Variants in MAP3K1 observed in about 807,000 individuals in gnomAD.
MAP3K1 encodes mitogen-activated protein kinase kinase kinase 1.
MAP3K1 carries 36 observed loss-of-function variants against 144.2 expected under a neutral mutation model. The observed-to-expected ratio is 0.25, with a 90% CI of 0.19 to 0.33. MAP3K1 has a LOEUF of 0.33. Among genes scored for constraint, MAP3K1 ranks in the 10% least tolerant of loss-of-function variants. The pLI is 1.00. For synonymous variants in MAP3K1, 718 were observed against 688.7 expected (o/e 1.04, Z -0.67); for missense variants, 1,650 against 1,881.9 (o/e 0.88, Z 2.28).
At chr5:56,877,778 TTC>T (rs2111928980) in intron 10 of MAP3K1, among the ~76,000 whole-genome samples, 1 of 152,318 alleles carries the variant, frequency 6.6e-6, no homozygotes, top group East Asian at 1.9e-4. Flanking sequence ...CTTTTTTCTG[TTC>T]CAGGATCCAA....
At chr5:56,834,727 AGAT>A (rs1385727129) in intron 1 of MAP3K1, among the ~76,000 whole-genome samples, 1 of 152,194 alleles carries the variant, frequency 6.6e-6, no homozygotes, top group Non-Finnish European at 1.5e-5. Context: ...GAAAGAAAAA[AGAT>A]GAGAGAAATA....
Position 56,880,818 on chromosome 5 carries a change from T to C in MAP3K1, c.2179+16T>C, listed in dbSNP as rs201491763. 34 of 1,581,072 alleles carry C rather than the reference T, an allele frequency of 2.2e-5. No homozygotes were observed. The highest frequency in any genetic ancestry group is 2.5e-5 in the Non-Finnish European group (29 of 1,150,426). On this transcript the variant is annotated intron_variant, in intron 12 of 19. Coordinates refer to ENST00000399503, the MANE Select transcript of MAP3K1 (RefSeq NM_005921.2). ...CTAAAAGCTGGTAATAACTTTTCAC[T>C]TAAAAGGAATATAGCATATTTTATC...
intron 1 of MAP3K1, among the ~76,000 whole-genome samples, chr5:56,827,249 T>G (rs1386950211): frequency 6.6e-6 from 1 of 152,180 alleles, no homozygotes; most frequent in Non-Finnish European, 1.5e-5. Context: ...CTCTGCCTCG[T>G]ATTGCCCCCA....
intron 4 of MAP3K1, 87 bp from the exon 5 acceptor site, chr5:56,865,253 G>A: frequency 1.2e-6 from 1 of 826,480 alleles, no homozygotes; most frequent in South Asian, 1.5e-5. Context: ...AGTATAAAAA[G>A]TTGGAAATAT....
intron 1 of MAP3K1, among the ~76,000 whole-genome samples, chr5:56,853,548 C>A (rs114286985): frequency 2.9e-3 from 438 of 152,242 alleles, no homozygotes; most frequent in Non-Finnish European, 5.3e-3. Context: ...AACACGTGGT[C>A]CCCTCACTCA....
intron 1 of MAP3K1, among the ~76,000 whole-genome samples, chr5:56,850,138 C>T (rs901619224): frequency 2.0e-5 from 3 of 152,162 alleles, no homozygotes; most frequent in African/African-American, 7.2e-5. Context: ...CTTTAAGTGT[C>T]CCACAATGGA....
chr5:56,826,388 T>C (rs911862504), intron 1 of MAP3K1, among the ~76,000 whole-genome samples: 1 of 152,242 alleles, frequency 6.6e-6, no homozygotes, highest in Non-Finnish European at 1.5e-5. Context: ...GTCAGGTCTT[T>C]CTGAACGACA....
intron 1 of MAP3K1, among the ~76,000 whole-genome samples, chr5:56,835,275 C>T (rs1316859936): frequency 6.6e-6 from 1 of 151,840 alleles, no homozygotes. Context: ...GAGACCACTG[C>T]AGGTTAGGAG....
chr5:56,856,264 G>A (rs968250633), intron 1 of MAP3K1, among the ~76,000 whole-genome samples: 1 of 152,104 alleles, frequency 6.6e-6, no homozygotes, highest in African/African-American at 2.4e-5. Flanking sequence ...GGAAATCCTG[G>A]GATAAAAGTG....
rs536278196 is a variant in MAP3K1, at chr5:56,881,465, A to G, written c.2370-105A>G. 1.7e-5 allele frequency: 18 copies of G among 1,056,764 alleles called. No individual in the cohort carries two copies. The African/African-American group carries it at 2.8e-4, about 17-fold the overall frequency. 65.5% of individuals were successfully genotyped at this position (1,056,764 alleles called of 1,614,324 possible). On this transcript the variant is annotated intron_variant, in intron 13 of 19. Transcript: ENST00000399503. ...AAATTCATAGATACTTTATGCTGAAATGGTTTTTGAAGTATACATGCTGTA... is the reference window on the plus strand; with the variant it reads ...AAATTCATAGATACTTTATGCTGAAGTGGTTTTTGAAGTATACATGCTGTA...
chr5:56,838,192 A>T (rs892935404), intron 1 of MAP3K1, among the ~76,000 whole-genome samples: 1 of 151,846 alleles, frequency 6.6e-6, no homozygotes, highest in Non-Finnish European at 1.5e-5. Context: ...GAATATTCAT[A>T]TGCATGCCTA....
chr5:56,864,489 C>T (rs769049498), intron 3 of MAP3K1, among the ~76,000 whole-genome samples: 30 of 151,778 alleles, frequency 2.0e-4, no homozygotes, highest in Admixed American at 6.6e-5. Flanking sequence ...GATTCTCCTG[C>T]CTCAGCCTCA....
At chr5:56,825,706 A>G (rs1200884626) in intron 1 of MAP3K1, among the ~76,000 whole-genome samples, 1 of 152,120 alleles carries the variant, frequency 6.6e-6, no homozygotes, top group Admixed American at 6.6e-5. Flanking sequence ...ATCAGTCACC[A>G]GTTCTTGTTA....
chr5:56,851,568 C>T (rs1437917880), intron 1 of MAP3K1, among the ~76,000 whole-genome samples: 2 of 152,194 alleles, frequency 1.3e-5, no homozygotes, highest in Non-Finnish European at 1.5e-5. Context: ...TCTCTCTCTT[C>T]TCCCTTATTT....
At chr5:56,891,174 C>CAA (rs1351328780) in intron 19 of MAP3K1, among the ~76,000 whole-genome samples, 10 of 143,880 alleles carry the variant, frequency 7.0e-5, no homozygotes, top group Non-Finnish European at 1.3e-4. Flanking sequence ...CACACACACA[C>CAA]AAATCATCAG....
chr5:56,832,617 T>C (rs1297702316), intron 1 of MAP3K1, among the ~76,000 whole-genome samples: 2 of 152,242 alleles, frequency 1.3e-5, no homozygotes, highest in Non-Finnish European at 2.9e-5. Context: ...GCAGTTTGAC[T>C]TCAAGCCTGC....
chr5:56,856,760 T>C lies in MAP3K1; in HGVS notation c.633+10T>C. On this transcript the variant is annotated intron_variant, in intron 2 of 19. Transcript: ENST00000399503. ...TAGGCGAGGGCCTGTGGTAAGTGGCTATGGGTTACCAGTTATAAGGAAGAA... is the reference window on the plus strand; with the variant it reads ...TAGGCGAGGGCCTGTGGTAAGTGGCCATGGGTTACCAGTTATAAGGAAGAA... 1 of 1,613,732 alleles carries C rather than the reference T, an allele frequency of 6.2e-7. No individual in the cohort carries two copies. Among genetic ancestry groups the C allele is most frequent in the Non-Finnish European group, 8.5e-7 (1 of 1,179,670 alleles).
At chr5:56,833,856 T>C (rs1328800002) in intron 1 of MAP3K1, among the ~76,000 whole-genome samples, 1 of 152,210 alleles carries the variant, frequency 6.6e-6, no homozygotes, top group Non-Finnish European at 1.5e-5. Flanking sequence ...TCATTTATTC[T>C]GTTACTGGTG....
At chr5:56,825,149 A>G (rs1746273720) in intron 1 of MAP3K1, among the ~76,000 whole-genome samples, 2 of 152,054 alleles carry the variant, frequency 1.3e-5, no homozygotes, top group African/African-American at 4.8e-5. Flanking sequence ...CTGGGATTAC[A>G]GGCGCCTGCC....
Sources: gnomAD v4.1 joint callset for allele counts (sites outside exome capture counted in the v4.1 genomes callset) on GRCh38, gnomAD v4.1.1 for gene constraint, MANE v1.5 for transcripts, NCBI Gene and HGNC (gene_info 2026-07-23, HGNC 2026-07-21) for gene names.